GPI: variants seen among roughly 807,000 people sequenced by gnomAD.
GPI encodes the protein glucose-6-phosphate isomerase, also known as D-hexose-6-phosphate anomerase.
Under a neutral mutation model 75.8 loss-of-function variants are expected in GPI, and 56 were observed. The ratio of observed to expected loss-of-function variants is 0.74; its 90% CI spans 0.60 to 0.92. The LOEUF is 0.92. GPI is among the 40% of genes least tolerant of loss of function. The pLI, the probability that GPI is intolerant of heterozygous loss-of-function variation, is 0.00. For synonymous variants in GPI, 288 were observed against 285.4 expected, an observed-to-expected ratio of 1.01 and a Z score of -0.09; for missense variants, 638 against 741.0, an observed-to-expected ratio of 0.86 and a Z score of 1.61.
At chr19:34,361,840 G>A (rs1363093721), upstream of GPI, among the ~76,000 whole-genome samples, 1 of 152,036 alleles carries the variant, frequency 6.6e-6, no homozygotes, top group Non-Finnish European at 1.5e-5. Flanking sequence ...AATTAGGCCG[G>A]GTGCAGTGGC....
At chr19:34,364,982 A>T (rs994052558), upstream of GPI, 3 of 1,531,380 alleles carry the variant, frequency 2.0e-6, no homozygotes, top group African/African-American at 2.7e-5. Context: ...CCCCACTGCC[A>T]CTTCCGGGCA....
Position 34,368,703 on chromosome 19 carries a change from G to A in GPI, c.402+1G>A. On this transcript the variant is annotated splice_donor_variant, in intron 4 of 17. Coordinates refer to ENST00000356487, the MANE Select transcript of GPI (RefSeq NM_000175.5). LOFTEE classifies it high-confidence loss of function. ...GGACAAGATGAAGTCTTTCTGCCAG[G>A]TAAGTGGCTACTGGGCCGGACTCAC... is the stretch of plus-strand genomic sequence containing the variant. The A allele has an allele frequency of 6.2e-7, 1 of 1,614,204 alleles. No homozygotes were observed. Among genetic ancestry groups the A allele is most frequent in the Non-Finnish European group, 8.5e-7 (1 of 1,180,028 alleles).
At chr19:34,395,470 AG>A (rs775228009) in intron 12 of GPI, among the ~76,000 whole-genome samples, 5 of 152,114 alleles carry the variant, frequency 3.3e-5, no homozygotes, top group Non-Finnish European at 7.4e-5. Context: ...TGAGCCCAAG[AG>A]GTCGAGGCTT....
intron 12 of GPI, among the ~76,000 whole-genome samples, chr19:34,395,929 CCTTTTTTTTTTTTTTT>C (rs1016949081): frequency 1.1e-4 from 16 of 148,940 alleles, no homozygotes; most frequent in Non-Finnish European, 1.5e-4. Flanking sequence ...CCTTTCTTTT[CCTTTTTTTTTTTTTTT>C]CTTTTTTTTT....
Position 34,377,892 on chromosome 19 carries a change from C to A in GPI, c.633+11C>A. 1 of 1,613,998 alleles carries A rather than the reference C, an allele frequency of 6.2e-7. No individual in the cohort carries two copies. Among genetic ancestry groups the A allele is most frequent in the Non-Finnish European group, 8.5e-7 (1 of 1,179,930 alleles). On this transcript the variant is annotated intron_variant, in intron 6 of 17. Coordinates refer to ENST00000356487, the MANE Select transcript of GPI (RefSeq NM_000175.5). ...ATCATTGCCTCCAAGGTATGAGTGC[C>A]GAAAACTGCCCGGCCCCTGGCCCTG...
At chr19:34,399,864 C>T (rs199973272) in intron 17 of GPI, 37 bp from the exon 18 acceptor site, 3 of 1,613,776 alleles carry the variant, frequency 1.9e-6, no homozygotes, top group African/African-American at 2.7e-5. Flanking sequence ...TAGAGCCTTC[C>T]TCATACCACT....
In GPI at chr19:34,396,088, G is replaced by A. The variant is rs890132137; in HGVS notation, c.1063-213G>A. On this transcript the variant is annotated intron_variant, in intron 12 of 17. Coordinates refer to ENST00000356487, the MANE Select transcript of GPI (RefSeq NM_000175.5). ...CAAGCAGCTGGGATTACAGGCATGCGCCATCACACCTGGCTAATTTTGTAT... is the reference window on the plus strand; with the variant it reads ...CAAGCAGCTGGGATTACAGGCATGCACCATCACACCTGGCTAATTTTGTAT... 5.3e-5 allele frequency among the ~76,000 whole-genome samples: 8 copies of A among 151,892 alleles called. No individual in the cohort carries two copies. In the East Asian group the frequency reaches 1.3e-3, roughly 26 times the overall value.
chr19:34,382,838 G>A (rs2074675436), intron 9 of GPI, among the ~76,000 whole-genome samples: 1 of 152,208 alleles, frequency 6.6e-6, no homozygotes, highest in African/African-American at 2.4e-5. Flanking sequence ...GGGCTGGCTG[G>A]TGAGACCTAA....
intron 4 of GPI, among the ~76,000 whole-genome samples, chr19:34,372,925 C>T (rs963864161): frequency 6.6e-6 from 1 of 152,038 alleles, no homozygotes; most frequent in Non-Finnish European, 1.5e-5. Flanking sequence ...AGGTACCTGC[C>T]ACCACACCCA....
At chr19:34,361,122 C>T (rs1267867828), upstream of GPI, among the ~76,000 whole-genome samples, 1 of 151,718 alleles carries the variant, frequency 6.6e-6, no homozygotes, top group Non-Finnish European at 1.5e-5. Flanking sequence ...GACAGAGTCT[C>T]GCTCTGTCGC....
At chr19:34,361,388 G>A (rs749824245), upstream of GPI, among the ~76,000 whole-genome samples, 3 of 152,024 alleles carry the variant, frequency 2.0e-5, no homozygotes, top group Admixed American at 6.6e-5. Flanking sequence ...CACCGTGCCC[G>A]GCCTCATTTC....
chr19:34,378,731 T>C (rs1013273481), intron 6 of GPI, among the ~76,000 whole-genome samples: 6 of 152,156 alleles, frequency 3.9e-5, no homozygotes, highest in African/African-American at 1.4e-4. Context: ...GGCTTAGGGT[T>C]GGGGGGTGTG....
intron 12 of GPI, 28 bp downstream of exon 12, chr19:34,394,094 G>A (rs777444715): frequency 6.3e-7 from 1 of 1,593,370 alleles, no homozygotes; most frequent in South Asian, 1.1e-5. Flanking sequence ...AGGCCTTGGA[G>A]TCAGCAAGAT....
At chr19:34,399,380 AG>A in intron 15 of GPI, 45 bp downstream of exon 15, 1 of 1,613,188 alleles carries the variant, frequency 6.2e-7, no homozygotes, top group East Asian at 2.2e-5. Context: ...CTGGAGTTGG[AG>A]GTGTGAAGCT....
chr19:34,364,845 G>C (rs1021538186), upstream of GPI: 2 of 778,582 alleles, frequency 2.6e-6, no homozygotes, highest in East Asian at 3.2e-5. Flanking sequence ...GAAGGTGTTC[G>C]ATCTATAGAG....
chr19:34,395,413 G>T (rs1431774712), intron 12 of GPI, among the ~76,000 whole-genome samples: 3 of 152,020 alleles, frequency 2.0e-5, no homozygotes, highest in African/African-American at 7.2e-5. Flanking sequence ...TGGTGGTGCG[G>T]CACCTATAGT....
chr19:34,378,489 TAC>T (rs1370565877), intron 6 of GPI, among the ~76,000 whole-genome samples: 1 of 152,138 alleles, frequency 6.6e-6, no homozygotes, highest in African/African-American at 2.4e-5. Context: ...GTGCTGGGAT[TAC>T]AGTCTTGAGC....
At chr19:34,392,013 A>G (rs77714738) in intron 9 of GPI, among the ~76,000 whole-genome samples, 1 of 1,152 alleles carries the variant, frequency 8.7e-4, no homozygotes, top group Non-Finnish European at 2.1e-3. Flanking sequence ...GTGCAGGTAT[A>G]AGGATCTGGG....
chr19:34,379,878 A>C (rs2074615941), intron 8 of GPI: 1 of 530,900 alleles, frequency 1.9e-6, no homozygotes, highest in Admixed American at 3.2e-5. Flanking sequence ...GCATCTCCCC[A>C]AATGTGACAT....
Sources: gnomAD v4.1 joint callset for allele counts (sites outside exome capture counted in the v4.1 genomes callset) on GRCh38, gnomAD v4.1.1 for gene constraint, MANE v1.5 for transcripts, NCBI Gene and HGNC (gene_info 2026-07-23, HGNC 2026-07-21) for gene names.